Variants in TECTA observed in about 807,000 individuals in gnomAD.
TECTA encodes alpha-tectorin.
Under a neutral mutation model 216.8 loss-of-function variants are expected in TECTA, and 128 were observed. The ratio of observed to expected loss-of-function variants is 0.59; its 90% CI spans 0.51 to 0.68. TECTA has a LOEUF of 0.68. TECTA is among the 30% of genes least tolerant of loss of function. TECTA has a pLI of 0.00. For missense variants in TECTA, 2,551 were observed against 2,786.2 expected, an observed-to-expected ratio of 0.92 and a Z score of 1.90; for synonymous variants, 1,089 against 1,117.1, an observed-to-expected ratio of 0.97 and a Z score of 0.50.
At chr11:121,133,860 G>A (rs1211287311) in intron 10 of TECTA, among the ~76,000 whole-genome samples, 1 of 152,156 alleles carries the variant, frequency 6.6e-6, no homozygotes, top group African/African-American at 2.4e-5. Flanking sequence ...GCTTTCCCTT[G>A]CAACTAATAA....
chr11:121,118,346 G>T lies in TECTA; in HGVS notation c.831G>T (p.Leu277Phe), dbSNP rs2135066998. The T allele has an allele frequency of 6.2e-7, 1 of 1,614,158 alleles. No homozygotes were observed. The highest frequency in any genetic ancestry group is 8.5e-7 in the Non-Finnish European group (1 of 1,180,034). ...GAGGGGAGGTGTTTTGGGATGACTT[G>T]AACTGCACCGTCAAGTGCCGCTGTC... ...LRRGEVFWDD[L>F]NCTVKCRCLD... The change falls in exon 7 of 24, where the codon TTG (leucine) becomes TTT (phenylalanine). Residue 277 changes from leucine (L) to phenylalanine (F), a missense_variant. Leu to Phe is a conservative substitution (Grantham distance 22). Around this residue, in one of 3 missense-constraint regions of TECTA, gnomAD observed 2,375 missense variants for 2,563.9 expected, o/e 0.93. Coordinates refer to ENST00000392793, the MANE Select transcript of TECTA (RefSeq NM_005422.4).
chr11:121,114,949 C>G (rs1472809430), intron 6 of TECTA, among the ~76,000 whole-genome samples: 1 of 42,670 alleles, frequency 2.3e-5, no homozygotes, highest in East Asian at 6.5e-4. Context: ...ATCCACCTAC[C>G]CACCCACCCA....
At position 121,189,118 on chromosome 11, in the gene TECTA, A is replaced by G. The variant is rs151002895; in HGVS notation, c.6201A>G (p.Thr2067=). The part of the protein sequence containing the change: ...PHNSRIATDY[T]KEPKEQIISV... The stretch of plus-strand genomic sequence containing the variant: ...ATTCCAGGATTGCCACAGATTACAC[A>G]AAAGAGCCCAAAGAACAGATCATTT... The change falls in exon 22 of 24, where the codon ACA becomes ACG. Residue 2067 remains threonine (T), a synonymous_variant. Coordinates refer to ENST00000392793, the MANE Select transcript of TECTA (RefSeq NM_005422.4). The G allele has an allele frequency of 5.6e-6, 9 of 1,614,066 alleles. No homozygotes were observed. The African/African-American group carries it at 1.2e-4, about 22-fold the overall frequency.
chr11:121,153,088 A>T lies in TECTA; in HGVS notation c.4305+8A>T. ...GATGGCAAATATTACGAGGTATGGG[A>T]GGCCAGCCCGGCCTTTTCCTCCTTG... On this transcript the variant is annotated splice_region_variant and intron_variant, in intron 13 of 23. Transcript: ENST00000392793. The T allele has an allele frequency of 6.2e-7, 1 of 1,611,590 alleles. No homozygotes were observed. The highest frequency in any genetic ancestry group is 8.5e-7 in the Non-Finnish European group (1 of 1,179,042).
rs542149836 is a variant in TECTA, at chr11:121,145,501, G to C, written c.3544-54G>C. On this transcript the variant is annotated intron_variant, in intron 11 of 23. Coordinates refer to ENST00000392793, the MANE Select transcript of TECTA (RefSeq NM_005422.4). ...CAAGAGACTCATCGTTAGGAGAAGA[G>C]CTGGGAAATCTCTGGGCCAACTGTG... The C allele has an allele frequency of 3.4e-5, 54 of 1,591,472 alleles. No individual in the cohort carries two copies. In the East Asian group the frequency reaches 1.1e-3, roughly 34 times the overall value.
rs1222242441 is a variant in TECTA at position 121,125,401 on chromosome 11, C to T, written c.1303C>T (p.Leu435Phe). 1.9e-6 allele frequency: 3 copies of T among 1,614,218 alleles called. No individual in the cohort carries two copies. Among genetic ancestry groups the T allele is most frequent in the South Asian group, 2.2e-5 (2 of 91,084 alleles). Residue 435 changes from leucine to phenylalanine, a missense_variant, in exon 8 of 24, where the codon CTC (leucine) becomes TTC (phenylalanine). Coordinates refer to ENST00000392793, the MANE Select transcript of TECTA (RefSeq NM_005422.4). ...TACTGCCGTGGAAACAGATTTTGGG[C>T]TCTTAGTGACTTTTGATGGCCAGCA... is the stretch of plus-strand genomic sequence containing the variant. ...ISTAVETDFGLLVTFDGQHYA... is the reference protein window; with the variant it reads ...ISTAVETDFGFLVTFDGQHYA...
rs200655923 is a variant in TECTA at position 121,168,839 on chromosome 11, A to T, written c.5913A>T (p.Thr1971=). ...VGVFVVGADA[T]HLILTLNKCY... ...TTTTTGTGGTTGGAGCTGACGCCAC[A>T]CATTTAATCCTAACACTCAACAAAT... The change falls in exon 20 of 24, where the codon ACA becomes ACT. Residue 1971 remains threonine (T), a synonymous_variant. Transcript: ENST00000392793. 64 of 1,614,072 alleles carry T rather than the reference A, an allele frequency of 4.0e-5. No individual in the cohort carries two copies. Among genetic ancestry groups the T allele is most frequent in the Non-Finnish European group, 5.3e-5 (62 of 1,180,030 alleles).
chr11:121,177,923 G>T (rs12793460), intron 20 of TECTA, among the ~76,000 whole-genome samples: 31,732 of 152,136 alleles, frequency 0.21, 3,740 homozygotes, highest in Non-Finnish European at 0.27. Flanking sequence ...CTTGCAGTTT[G>T]ATCTCAGACT....
intron 10 of TECTA, among the ~76,000 whole-genome samples, chr11:121,133,290 T>G (rs1946693114): frequency 6.6e-6 from 1 of 152,162 alleles, no homozygotes; most frequent in South Asian, 2.1e-4. Context: ...TCATGCCTCA[T>G]TACCCGTAAA....
rs1946490592 is a variant in TECTA at position 121,115,256 on chromosome 11, T to C, written c.790+1538T>C. 6.9e-5 allele frequency among the ~76,000 whole-genome samples: 10 copies of C among 145,180 alleles called. No individual in the cohort carries two copies. In the South Asian group the frequency reaches 2.5e-3, roughly 36 times the overall value. The stretch of plus-strand genomic sequence containing the variant: ...ACCCATCCATCCACCTACTCACCCA[T>C]CCACCAACCCATCCATCAAGTCATC... On this transcript the variant is annotated intron_variant, in intron 6 of 23. Transcript: ENST00000392793.
At chr11:121,101,833 C>T (rs1477431789) in intron 1 of TECTA, among the ~76,000 whole-genome samples, 4 of 152,186 alleles carry the variant, frequency 2.6e-5, no homozygotes, top group Non-Finnish European at 2.9e-5. Context: ...AGCTTGCGTC[C>T]GTGTTCTCAT....
intron 11 of TECTA, among the ~76,000 whole-genome samples, chr11:121,139,461 G>A (rs1212207582): frequency 2.0e-5 from 3 of 152,194 alleles, no homozygotes; most frequent in Non-Finnish European, 2.9e-5. Flanking sequence ...GGGAGGCCAA[G>A]GCAGGTGGAT....
intron 14 of TECTA, among the ~76,000 whole-genome samples, chr11:121,159,764 C>T (rs1591459814): frequency 6.6e-6 from 1 of 152,176 alleles, no homozygotes; most frequent in Non-Finnish European, 1.5e-5. Flanking sequence ...CAAATCCAGC[C>T]ATTCATTGTG....
Position 121,124,951 on chromosome 11 carries a change from G to A in TECTA, c.1204-351G>A, listed in dbSNP as rs1158565922. Reference sequence around the variant, plus strand: ...TTAAAGAATGGATATTTAGAGGAATGCAGAGGAAAAGGGAGGTGACTGGTC... The same window carrying A: ...TTAAAGAATGGATATTTAGAGGAATACAGAGGAAAAGGGAGGTGACTGGTC... On this transcript the variant is annotated intron_variant, in intron 7 of 23. Coordinates refer to ENST00000392793, the MANE Select transcript of TECTA (RefSeq NM_005422.4). Among the ~76,000 whole-genome samples, 3 of 152,368 alleles carry A rather than the reference G, an allele frequency of 2.0e-5. No homozygotes were observed. In the East Asian group the frequency reaches 5.8e-4, roughly 29 times the overall value.
rs145498566 is a variant in TECTA, at chr11:121,128,335, G to A, written c.2358G>A (p.Ser786=). 1.6e-4 allele frequency: 255 copies of A among 1,599,554 alleles called. 5 individuals carry two copies. The East Asian group carries it at 5.2e-3, about 32-fold the overall frequency. ...TCAAGATAGGAGGCATCGGGGCTTC[G>A]GAAGTCAAGGTAAGGCTCCTTGCTC... is the stretch of plus-strand genomic sequence containing the variant. ...QEVKIGGIGA[S]EVKLNGQEVE... The change falls in exon 9 of 24, where the codon TCG becomes TCA. Residue 786 remains serine, a synonymous_variant. Coordinates refer to ENST00000392793, the MANE Select transcript of TECTA (RefSeq NM_005422.4).
In TECTA at chr11:121,162,320, G is replaced by T. The variant is rs1488344979; in HGVS notation, c.5222G>T (p.Cys1741Phe). 1 of 1,613,576 alleles carries T rather than the reference G, an allele frequency of 6.2e-7. No homozygotes were observed. The highest frequency in any genetic ancestry group is 8.5e-7 in the Non-Finnish European group (1 of 1,180,054). The stretch of plus-strand genomic sequence containing the variant: ...TCCCTGGCCGCCTACGGGGAGGCCT[G>T]CCGCTCCTTCGGGATCCTTAGCACC... ...CGSLAAYGEA[C>F]RSFGILSTEW... Residue 1741 changes from cysteine (C) to phenylalanine (F), a missense_variant, in exon 16 of 24, where the codon TGC becomes TTC. Physicochemically the swap from Cys to Phe is radical, Grantham distance 205. Transcript: ENST00000392793.
chr11:121,120,954 AG>A, intron 7 of TECTA, among the ~76,000 whole-genome samples: 1 of 152,266 alleles, frequency 6.6e-6, no homozygotes, highest in Non-Finnish European at 1.5e-5. Flanking sequence ...TTTGTGAGAC[AG>A]GGCCCTCTAG....
chr11:121,128,171 C>T lies in TECTA; in HGVS notation c.2194C>T (p.Pro732Ser). 1 of 1,610,016 alleles carries T rather than the reference C, an allele frequency of 6.2e-7. No individual in the cohort carries two copies. ...CTTTGACGGCGCCTCCTACGCCTTC[C>T]CCTCCGAGTTCTCCTACACCCTCCT... Reference protein sequence around the residue: ...HTFDGASYAFPSEFSYTLLKT... With the variant: ...HTFDGASYAFSSEFSYTLLKT... The change falls in exon 9 of 24, where the codon CCC (proline) becomes TCC (serine). Residue 732 changes from proline (P) to serine (S), a missense_variant. Physicochemically the swap from Pro to Ser is moderately conservative, Grantham distance 74. This residue lies in a region of TECTA where 2,375 missense variants were observed against 2,563.9 expected (regional missense o/e 0.93). Coordinates refer to ENST00000392793, the MANE Select transcript of TECTA (RefSeq NM_005422.4).
At chr11:121,101,788 T>C (rs749990903) in intron 1 of TECTA, among the ~76,000 whole-genome samples, 5 of 152,224 alleles carry the variant, frequency 3.3e-5, no homozygotes, top group Non-Finnish European at 1.5e-5. Context: ...GGAGACTTCA[T>C]GGTCTAGCCA....
Sources: allele counts gnomAD v4.1 joint callset (sites outside exome capture counted in the v4.1 genomes callset), GRCh38; gene constraint gnomAD v4.1.1; regional missense constraint gnomAD v4.1.1; transcripts MANE v1.5; gene names NCBI Gene and HGNC (gene_info 2026-07-23, HGNC 2026-07-21).